The following VAT1L variants were observed in gnomAD, a reference collection of about 807,000 sequenced individuals.
VAT1L encodes the protein putative NADPH-dependent quinone oxidoreductase VAT1L.
Under a neutral mutation model 44.1 loss-of-function variants are expected in VAT1L, and 34 were observed. The observed-to-expected ratio is 0.77, with a 90% confidence interval of 0.59 to 1.03. VAT1L has a LOEUF of 1.03. VAT1L is among the 50% of genes least tolerant of loss of function. The pLI is 0.00. For synonymous variants in VAT1L, 253 were observed against 202.2 expected, an observed-to-expected ratio of 1.25 and a Z score of -2.13; for missense variants, 615 against 538.8, an observed-to-expected ratio of 1.14 and a Z score of -1.40.
intron 1 of VAT1L, among the ~76,000 whole-genome samples, chr16:77,802,919 C>T (rs917809183): frequency 5.3e-5 from 8 of 152,090 alleles, no homozygotes; most frequent in African/African-American, 1.9e-4. Context: ...TTGATCTTCT[C>T]AGTTTCCTTC....
chr16:77,972,023 T>G (rs953894931), intron 8 of VAT1L, 90 bp downstream of exon 8: 7 of 1,291,196 alleles, frequency 5.4e-6, no homozygotes, highest in Non-Finnish European at 6.5e-6. Context: ...TAGAAGGAAG[T>G]ACAGGTAGCC....
chr16:77,837,168 C>T (rs1482776728), intron 3 of VAT1L, among the ~76,000 whole-genome samples: 1 of 152,132 alleles, frequency 6.6e-6, no homozygotes, highest in Admixed American at 6.5e-5. Context: ...GGATTTCACT[C>T]CACGGGTTTT....
At chr16:77,909,450 A>T (rs2017474778) in intron 7 of VAT1L, among the ~76,000 whole-genome samples, 1 of 152,034 alleles carries the variant, frequency 6.6e-6, no homozygotes, top group South Asian at 2.1e-4. Flanking sequence ...CAGCCTGGCC[A>T]ACATGGTGAA....
chr16:77,895,513 G>A (rs1031937731), intron 7 of VAT1L, among the ~76,000 whole-genome samples: 1 of 152,162 alleles, frequency 6.6e-6, no homozygotes, highest in African/African-American at 2.4e-5. Flanking sequence ...AGGAGCAGAT[G>A]CGATGGCAGA....
chr16:77,794,518 T>C (rs562003561), intron 1 of VAT1L, among the ~76,000 whole-genome samples: 5 of 152,326 alleles, frequency 3.3e-5, no homozygotes, highest in African/African-American at 4.8e-5. Context: ...CATTGCTACA[T>C]TGGCAAACCA....
chr16:77,938,014 A>G (rs2017825033), intron 7 of VAT1L, among the ~76,000 whole-genome samples: 2 of 152,262 alleles, frequency 1.3e-5, no homozygotes, highest in Non-Finnish European at 2.9e-5. Context: ...CTAAGAGCGT[A>G]AAGGGCAAAA....
At chr16:77,892,709 A>G in intron 7 of VAT1L, 1 of 735,736 alleles carries the variant, frequency 1.4e-6, no homozygotes, top group Non-Finnish European at 2.5e-6. Context: ...AGGTCCTGGC[A>G]TCTGTTCCAT....
intron 3 of VAT1L, among the ~76,000 whole-genome samples, chr16:77,847,713 G>C (rs147723507): frequency 1.4e-3 from 212 of 152,308 alleles, no homozygotes; most frequent in African/African-American, 4.8e-3. Context: ...TTCTAAAGTC[G>C]AGTGGCAAAA....
chr16:77,812,740 C>T (rs537009353), intron 1 of VAT1L, among the ~76,000 whole-genome samples: 1 of 152,300 alleles, frequency 6.6e-6, no homozygotes, highest in South Asian at 2.1e-4. Flanking sequence ...AACATATCTT[C>T]AGATCCCTCA....
chr16:77,788,591 A>G lies in VAT1L; in HGVS notation c.-92A>G, dbSNP rs2015768824. The G allele has an allele frequency of 7.0e-7, 1 of 1,428,422 alleles. No homozygotes were observed. Among genetic ancestry groups the G allele is most frequent in the East Asian group, 2.5e-5 (1 of 39,910 alleles). 88.5% of individuals were successfully genotyped at this position (1,428,422 alleles called of 1,614,324 possible). ...TGCACAGCCGAGCATCCCACATTCA[A>G]CAGGAGGAACCCGCGGGAGAGGAGC... On this transcript the variant is annotated 5_prime_UTR_variant, in exon 1 of 9. Coordinates refer to ENST00000302536, the MANE Select transcript of VAT1L (RefSeq NM_020927.3).
intron 7 of VAT1L, among the ~76,000 whole-genome samples, chr16:77,933,030 G>C (rs922237047): frequency 1.3e-5 from 2 of 152,160 alleles, no homozygotes; most frequent in Non-Finnish European, 2.9e-5. Context: ...AAGGAGGCTG[G>C]GAAGTGAAGT....
intron 1 of VAT1L, among the ~76,000 whole-genome samples, chr16:77,814,289 A>C (rs17774125): frequency 0.097 from 14,823 of 152,276 alleles, 949 homozygotes; most frequent in East Asian, 0.23. Context: ...TTGTGTGGAA[A>C]TAAACAATAC....
intron 3 of VAT1L, among the ~76,000 whole-genome samples, chr16:77,828,198 G>C (rs2016544498): frequency 6.6e-6 from 1 of 152,190 alleles, no homozygotes; most frequent in African/African-American, 2.4e-5. Context: ...CCTGCAGAGA[G>C]CCCACACCAT....
At chr16:77,957,451 G>A (rs1394337695) in intron 7 of VAT1L, among the ~76,000 whole-genome samples, 1 of 152,140 alleles carries the variant, frequency 6.6e-6, no homozygotes, top group South Asian at 2.1e-4. Flanking sequence ...TTTTAGCAAG[G>A]TGCAGTGGCT....
chr16:77,888,862 C>A (rs1303715287), intron 7 of VAT1L, among the ~76,000 whole-genome samples: 1 of 152,180 alleles, frequency 6.6e-6, no homozygotes, highest in Non-Finnish European at 1.5e-5. Context: ...GTTCCTGTAG[C>A]AAGATAGTCC....
At chr16:77,900,532 TA>T (rs2017369875) in intron 7 of VAT1L, among the ~76,000 whole-genome samples, 1 of 151,720 alleles carries the variant, frequency 6.6e-6, no homozygotes, top group Non-Finnish European at 1.5e-5. Flanking sequence ...CCATTTCTAC[TA>T]AAAATACAAA....
At chr16:77,958,127 C>T (rs2018123694) in intron 7 of VAT1L, among the ~76,000 whole-genome samples, 1 of 152,074 alleles carries the variant, frequency 6.6e-6, no homozygotes, top group Admixed American at 6.6e-5. Context: ...AGGCTGGCCT[C>T]AAACTCCTGG....
chr16:77,946,195 T>A (rs940018803), intron 7 of VAT1L, among the ~76,000 whole-genome samples: 28 of 151,622 alleles, frequency 1.8e-4, no homozygotes, highest in Non-Finnish European at 3.7e-4. Context: ...TTTTAAACTA[T>A]AATGGCTACA....
chr16:77,842,559 A>G (rs1216500060), intron 3 of VAT1L, among the ~76,000 whole-genome samples: 1 of 152,226 alleles, frequency 6.6e-6, no homozygotes, highest in Non-Finnish European at 1.5e-5. Context: ...TAGGTAGCCA[A>G]GAAACATGGC....
Sources: allele counts gnomAD v4.1 joint callset (sites outside exome capture counted in the v4.1 genomes callset), GRCh38; gene constraint gnomAD v4.1.1; transcripts MANE v1.5; gene names NCBI Gene and HGNC (gene_info 2026-07-23, HGNC 2026-07-21).